GRAMD1B: variants seen among roughly 807,000 people sequenced by gnomAD.
GRAMD1B encodes the protein protein Aster-B.
In GRAMD1B, 37 loss-of-function variants were observed where a neutral mutation model predicts 99.7. The ratio of observed to expected loss-of-function variants is 0.37; its 90% CI spans 0.29 to 0.49. GRAMD1B has a LOEUF of 0.49. Among genes scored for constraint, GRAMD1B ranks in the 20% least tolerant of loss-of-function variants. The probability of loss-of-function intolerance (pLI) is 0.98; values close to 1 mark genes in which losing one functional copy is unlikely to be tolerated. For synonymous variants in GRAMD1B, 427 were observed against 387.6 expected (o/e 1.10, Z -1.19); for missense variants, 888 against 1,009.2 (o/e 0.88, Z 1.63).
At chr11:123,436,555 A>T (rs1441893726) in intron 1 of GRAMD1B, among the ~76,000 whole-genome samples, 2 of 152,204 alleles carry the variant, frequency 1.3e-5, no homozygotes, top group Non-Finnish European at 2.9e-5. Flanking sequence ...GGCAAAGTGA[A>T]GTCAATTCAA....
At chr11:123,596,699 T>G (rs1565437372) in intron 7 of GRAMD1B, among the ~76,000 whole-genome samples, 6 of 152,188 alleles carry the variant, frequency 3.9e-5, no homozygotes, top group African/African-American at 1.4e-4. Flanking sequence ...TTGACCTATA[T>G]TTGTTGTTGT....
intron 1 of GRAMD1B, among the ~76,000 whole-genome samples, chr11:123,440,586 G>T (rs1949361443): frequency 6.6e-6 from 1 of 152,182 alleles, no homozygotes; most frequent in Non-Finnish European, 1.5e-5. Context: ...TAGGAAAAAG[G>T]AAAACATAAT....
At chr11:123,412,898 CAG>C (rs1948101891) in intron 1 of GRAMD1B, among the ~76,000 whole-genome samples, 1 of 152,146 alleles carries the variant, frequency 6.6e-6, no homozygotes, top group East Asian at 1.9e-4. Flanking sequence ...TCTCCTGTCT[CAG>C]CCTCCCGAGT....
intron 2 of GRAMD1B, among the ~76,000 whole-genome samples, chr11:123,494,436 A>G (rs1350909388): frequency 2.6e-5 from 3 of 114,264 alleles, no homozygotes; most frequent in Admixed American, 1.8e-4. Context: ...TTTTTTTTTT[A>G]GGTCTGAGCT....
Position 123,595,872 on chromosome 11 carries a change from A to G in GRAMD1B, c.874-70A>G, listed in dbSNP as rs1051577835. On this transcript the variant is annotated intron_variant, in intron 6 of 19. Coordinates refer to ENST00000635736, the MANE Select transcript of GRAMD1B (RefSeq NM_001387025.1). ...CCTCTGTCTACACTGGCGCCCCCTG[A>G]ACACTGTTTACCTGACTTACTAATG... 4 of 816,614 alleles carry G rather than the reference A, an allele frequency of 4.9e-6. No individual in the cohort carries two copies. The African/African-American group carries it at 5.1e-5, about 10-fold the overall frequency. 50.6% of individuals were successfully genotyped at this position (816,614 alleles called of 1,614,324 possible).
In GRAMD1B at chr11:123,611,794, A is replaced by G. The variant is rs551977896; in HGVS notation, c.1920-967A>G. 9.9e-5 allele frequency among the ~76,000 whole-genome samples: 14 copies of G among 142,082 alleles called. 3 individuals carry two copies. Among genetic ancestry groups the G allele is most frequent in the African/African-American group, 3.5e-4 (14 of 39,890 alleles). 93.2% of individuals were successfully genotyped at this position (142,082 alleles called of 152,430 possible). ...AGTACAGGCATTCTCCCATCTGGACATGGGTGGAGGTGGCATCCCTGAGGA... is the reference window on the plus strand; with the variant it reads ...AGTACAGGCATTCTCCCATCTGGACGTGGGTGGAGGTGGCATCCCTGAGGA... On this transcript the variant is annotated intron_variant, in intron 14 of 19. Transcript: ENST00000635736.
intron 1 of GRAMD1B, among the ~76,000 whole-genome samples, chr11:123,376,180 T>C: frequency 6.6e-6 from 1 of 152,144 alleles, no homozygotes; most frequent in East Asian, 1.9e-4. Flanking sequence ...AATATAGCAG[T>C]GTTAGAAAAA....
chr11:123,455,945 G>A (rs548193885), intron 1 of GRAMD1B, among the ~76,000 whole-genome samples: 13 of 151,828 alleles, frequency 8.6e-5, no homozygotes, highest in East Asian at 2.0e-4. Flanking sequence ...CAAGGTGGGC[G>A]GATCATTTGA....
intron 1 of GRAMD1B, among the ~76,000 whole-genome samples, chr11:123,440,160 A>C (rs369046758): frequency 6.6e-6 from 1 of 152,236 alleles, no homozygotes; most frequent in East Asian, 1.9e-4. Flanking sequence ...GAATCATTTT[A>C]AAAAATGTAG....
chr11:123,502,584 G>A (rs753869213), intron 2 of GRAMD1B, among the ~76,000 whole-genome samples: 4 of 152,080 alleles, frequency 2.6e-5, no homozygotes, highest in Non-Finnish European at 5.9e-5. Context: ...AGACCAGCCT[G>A]GGCAACTTGG....
chr11:123,408,448 C>T lies in GRAMD1B; in HGVS notation c.-176+49649C>T, dbSNP rs75816266. On this transcript the variant is annotated intron_variant, in intron 1 of 20. Transcript: ENST00000638157. Reference sequence around the variant, plus strand: ...GGTTATGTTAAAACGAGTACTGGAACGCAGAAGTCACTAATTGCCCAACCA... The same window carrying T: ...GGTTATGTTAAAACGAGTACTGGAATGCAGAAGTCACTAATTGCCCAACCA... Among the ~76,000 whole-genome samples, 168 of 152,298 alleles carry T rather than the reference C, an allele frequency of 1.1e-3. No individual in the cohort carries two copies. In the East Asian group the frequency reaches 0.022, roughly 20 times the overall value.
At position 123,620,591 on chromosome 11, in the gene GRAMD1B, A is replaced by G. The variant is rs1412078852; in HGVS notation, c.2544+1367A>G. On this transcript the variant is annotated intron_variant, in intron 19 of 19. Coordinates refer to ENST00000635736, the MANE Select transcript of GRAMD1B (RefSeq NM_001387025.1). ...AGGGCATTTTTTATTTTAAACCAAA[A>G]GGGGACAGAAAGCTTAGTGAGGAGT... Among the ~76,000 whole-genome samples, 4 of 152,138 alleles carry G rather than the reference A, an allele frequency of 2.6e-5. No individual in the cohort carries two copies. In the South Asian group the frequency reaches 8.3e-4, roughly 32 times the overall value.
intron 1 of GRAMD1B, among the ~76,000 whole-genome samples, chr11:123,373,591 G>A (rs879375471): frequency 6.6e-6 from 1 of 152,202 alleles, no homozygotes; most frequent in Non-Finnish European, 1.5e-5. Flanking sequence ...AGGCATAGTG[G>A]AAGAGGATAA....
At chr11:123,433,686 G>A (rs1048385370) in intron 1 of GRAMD1B, among the ~76,000 whole-genome samples, 9 of 87,538 alleles carry the variant, frequency 1.0e-4, no homozygotes, top group African/African-American at 2.6e-4. Context: ...GTGCGTGTGT[G>A]TGTGTGTGTG....
chr11:123,579,556 TGG>T (rs1949101968), intron 3 of GRAMD1B, among the ~76,000 whole-genome samples: 1 of 152,142 alleles, frequency 6.6e-6, no homozygotes, highest in South Asian at 2.1e-4. Flanking sequence ...ATCTGATATC[TGG>T]GAATGGGGTT....
rs773851458 is a variant in GRAMD1B, at chr11:123,577,501, C to T, written c.587C>T (p.Ser196Phe). 2 of 1,602,222 alleles carry T rather than the reference C, an allele frequency of 1.2e-6. No individual in the cohort carries two copies. Among genetic ancestry groups the T allele is most frequent in the Non-Finnish European group, 1.7e-6 (2 of 1,174,658 alleles). Residue 196 changes from serine (S) to phenylalanine (F), a missense_variant, in exon 3 of 20, where the codon TCC (serine) becomes TTC (phenylalanine). Transcript: ENST00000635736. ...GGCTCAGATCACTCCTCGGACAAGT[C>T]CCCGTCCACACCGGAGCAGGGCGTG... ...EKGSDHSSDKSPSTPEQGVQR... is the reference protein window; with the variant it reads ...EKGSDHSSDKFPSTPEQGVQR...
At chr11:123,500,859 A>G (rs1054788420) in intron 2 of GRAMD1B, among the ~76,000 whole-genome samples, 5 of 152,188 alleles carry the variant, frequency 3.3e-5, no homozygotes, top group African/African-American at 1.2e-4. Flanking sequence ...TTTTTTGTAG[A>G]GACAAGGTTT....
At chr11:123,571,143 C>A (rs1948031828) in intron 2 of GRAMD1B, among the ~76,000 whole-genome samples, 1 of 152,232 alleles carries the variant, frequency 6.6e-6, no homozygotes, top group Non-Finnish European at 1.5e-5. Context: ...TCTCTGAAGG[C>A]AAACAAGTTA....
intron 17 of GRAMD1B, among the ~76,000 whole-genome samples, chr11:123,617,381 GT>G (rs989457246): frequency 7.2e-5 from 11 of 151,852 alleles, no homozygotes; most frequent in African/African-American, 2.4e-4. Context: ...TAGAGATGGG[GT>G]TTTGCTATGT....
Sources: allele counts gnomAD v4.1 joint callset (sites outside exome capture counted in the v4.1 genomes callset), GRCh38; gene constraint gnomAD v4.1.1; transcripts MANE v1.5; gene names NCBI Gene and HGNC (gene_info 2026-07-23, HGNC 2026-07-21).